The following FCGR2B variants were observed in gnomAD, a reference collection of about 807,000 sequenced individuals.
The protein encoded by FCGR2B is low affinity immunoglobulin gamma Fc region receptor II-b.
Under a neutral mutation model 24.8 loss-of-function variants are expected in FCGR2B, and 18 were observed. That is an observed-to-expected ratio of 0.73 (90% CI 0.50 to 1.08). The LOEUF (loss-of-function observed/expected upper bound fraction) is 1.08, where lower values mean the gene tolerates loss of function less well. Among genes scored for constraint, FCGR2B ranks in the 50% least tolerant of loss-of-function variants. FCGR2B has a pLI of 0.00. For synonymous variants in FCGR2B, 79 were observed against 109.8 expected, an observed-to-expected ratio of 0.72 and a Z score of 1.75; for missense variants, 215 against 297.6, an observed-to-expected ratio of 0.72 and a Z score of 2.04.
intron 6 of FCGR2B, chr1:161,676,369 A>G (rs1229493920): frequency 5.3e-6 from 1 of 189,226 alleles, no homozygotes; most frequent in Non-Finnish European, 1.1e-5. Flanking sequence ...CTGTGTTCAC[A>G]CCAGGGCCAA....
the FCGR2B span, among the ~76,000 whole-genome samples, chr1:161,650,857 G>T: frequency 1.8e-5 from 2 of 110,498 alleles, no homozygotes; most frequent in African/African-American, 3.4e-5. Flanking sequence ...TGCTAAAAAG[G>T]CTTTTAAAAT....
At chr1:161,652,288 CT>C in the FCGR2B span, among the ~76,000 whole-genome samples, 4 of 130,902 alleles carry the variant, frequency 3.1e-5, 1 homozygote, top group Admixed American at 8.5e-5. Flanking sequence ...GTTCTATTTT[CT>C]TTTTTTTTAC....
At chr1:161,675,233 T>A (rs1245543153) in intron 5 of FCGR2B, 24 bp from the exon 6 acceptor site, 3 of 1,592,234 alleles carry the variant, frequency 1.9e-6, no homozygotes, top group Non-Finnish European at 2.6e-6. Context: ...CTAATCCTAC[T>A]AACCTCCTGT....
Position 161,677,670 on chromosome 1 carries a change from G to T in FCGR2B, c.*117G>T, listed in dbSNP as rs1185862561. ...AGATGCTGCAGTTCCAAAAGAGAAG[G>T]TTTCTTCCAGAGTCATCTACCTGAG... On this transcript the variant is annotated 3_prime_UTR_variant, in exon 8 of 8. Coordinates refer to ENST00000358671, the MANE Select transcript of FCGR2B (RefSeq NM_001394477.1). 5 of 799,668 alleles carry T rather than the reference G, an allele frequency of 6.3e-6. No homozygotes were observed. In the Admixed American group the frequency reaches 7.7e-5, roughly 12 times the overall value. The allele number at this position is 799,668 out of a possible 1,614,324, so 49.5% of individuals were successfully genotyped here.
At position 161,677,493 on chromosome 1, in the gene FCGR2B, C is replaced by T; in HGVS notation, c.873C>T (p.Thr291=). The part of the protein sequence containing the change: ...ADKVGAENTI[T]YSLLMHPDAL... ...TTCTCTAGGCTGAGAACACAATCACCTATTCACTTCTCATGCACCCGGATG... is the reference window on the plus strand; with the variant it reads ...TTCTCTAGGCTGAGAACACAATCACTTATTCACTTCTCATGCACCCGGATG... Residue 291 remains threonine, a synonymous_variant, in exon 8 of 8, where the codon ACC becomes ACT. Coordinates refer to ENST00000358671, the MANE Select transcript of FCGR2B (RefSeq NM_001394477.1). 6.2e-7 allele frequency: 1 copy of T among 1,614,030 alleles called. No homozygotes were observed. Among genetic ancestry groups the T allele is most frequent in the East Asian group, 2.2e-5 (1 of 44,892 alleles).
Position 161,674,084 on chromosome 1 carries a change from C to T in FCGR2B, c.760+11C>T, listed in dbSNP as rs1301623370. 5 of 452,566 alleles carry T rather than the reference C, an allele frequency of 1.1e-5. No homozygotes were observed. The highest frequency in any genetic ancestry group is 9.5e-5 in the Admixed American group (2 of 21,098). 28.0% of individuals were successfully genotyped at this position (452,566 alleles called of 1,614,324 possible). A position where few individuals can be genotyped will look rare whatever the true frequency, so the allele number is the denominator to read the frequency against. ...AAAAGCGGATTTCAGGTTTGTAGCTCCTCCCGGTCCCTTTGGTTATCAGTT... is the reference window on the plus strand; with the variant it reads ...AAAAGCGGATTTCAGGTTTGTAGCTTCTCCCGGTCCCTTTGGTTATCAGTT... On this transcript the variant is annotated intron_variant, in intron 5 of 7. Transcript: ENST00000358671.
At chr1:161,653,084 C>T in the FCGR2B span, among the ~76,000 whole-genome samples, 2 of 134,058 alleles carry the variant, frequency 1.5e-5, 1 homozygote, top group East Asian at 4.0e-4. Context: ...TGTGAAATTG[C>T]CTTTGCAGAA....
intron 4 of FCGR2B, 67 bp downstream of exon 4, chr1:161,673,296 G>A: frequency 6.2e-7 from 1 of 1,600,488 alleles, no homozygotes; most frequent in African/African-American, 1.3e-5. Flanking sequence ...AGGTCACATG[G>A]GCCTACATGG....
intron 3 of FCGR2B, chr1:161,672,010 C>T (rs1681706248): frequency 3.2e-6 from 1 of 316,260 alleles, no homozygotes. Flanking sequence ...ATTTCTTCAC[C>T]TGCTCCGTGG....
Position 161,677,487 on chromosome 1 carries a change from A to G in FCGR2B, c.867A>G (p.Thr289=). The stretch of plus-strand genomic sequence containing the variant: ...TCTGCCTTCTCTAGGCTGAGAACAC[A>G]ATCACCTATTCACTTCTCATGCACC... ...DEADKVGAEN[T]ITYSLLMHPD... The change falls in exon 8 of 8, where the codon ACA becomes ACG. Residue 289 remains threonine (T), a synonymous_variant. Transcript: ENST00000358671. 6.2e-7 allele frequency: 1 copy of G among 1,614,008 alleles called. No individual in the cohort carries two copies. The highest frequency in any genetic ancestry group is 8.5e-7 in the Non-Finnish European group (1 of 1,179,930).
At chr1:161,660,896 AT>A (rs1379337896), upstream of FCGR2B, among the ~76,000 whole-genome samples, 2 of 38,590 alleles carry the variant, frequency 5.2e-5, no homozygotes, top group African/African-American at 1.1e-4. Flanking sequence ...TCTACTAAAA[AT>A]ACAAAAAAAA....
In FCGR2B at chr1:161,677,627, C is replaced by G. The variant is rs1299611959; in HGVS notation, c.*74C>G. ...ATCTGGTATTTCCTGGCCTAAATTC[C>G]CCTTGGGGAGGACAGGGAGATGCTG... On this transcript the variant is annotated 3_prime_UTR_variant, in exon 8 of 8. Transcript: ENST00000358671. 1 of 1,220,280 alleles carries G rather than the reference C, an allele frequency of 8.2e-7. No homozygotes were observed. Among genetic ancestry groups the G allele is most frequent in the Admixed American group, 1.9e-5 (1 of 51,866 alleles). 75.6% of individuals were successfully genotyped at this position (1,220,280 alleles called of 1,614,324 possible).
chr1:161,648,437 T>C, the FCGR2B span, among the ~76,000 whole-genome samples: 1 of 148,510 alleles, frequency 6.7e-6, no homozygotes, highest in African/African-American at 2.5e-5. Flanking sequence ...TACAGTGATA[T>C]TGTGTTTTTA....
intron 3 of FCGR2B, 45 bp downstream of exon 3, chr1:161,671,694 G>C (rs536669911): frequency 1.2e-6 from 2 of 1,608,722 alleles, no homozygotes; most frequent in South Asian, 1.1e-5. Context: ...GGGCCAGGAC[G>C]GATGAAATCT....
chr1:161,673,988 T>A lies in FCGR2B; in HGVS notation c.675T>A (p.Ile225=). 2.0e-6 allele frequency: 1 copy of A among 512,418 alleles called. No individual in the cohort carries two copies. 31.7% of individuals were successfully genotyped at this position (512,418 alleles called of 1,614,324 possible). Residue 225 remains isoleucine, a synonymous_variant, in exon 5 of 8, where the codon ATT becomes ATA. Transcript: ENST00000358671. ...QAPSSSPMGI[I]VAVVTGIAVA... ...CCAGCTCTTCACCGATGGGGATCAT[T>A]GTGGCTGTGGTCACTGGGATTGCTG...
At chr1:161,651,692 T>C in the FCGR2B span, among the ~76,000 whole-genome samples, 1 of 121,072 alleles carries the variant, frequency 8.3e-6, no homozygotes, top group African/African-American at 2.7e-5. Flanking sequence ...TCCTGGCACT[T>C]TGGGAGGCCG....
chr1:161,675,913 G>GAAA (rs2102678100), intron 6 of FCGR2B: 1 of 233,026 alleles, frequency 4.3e-6, no homozygotes, highest in East Asian at 6.0e-5. Context: ...AAGGTTGACT[G>GAAA]AATTTTGGCC....
chr1:161,675,646 A>C (rs1159100656), intron 6 of FCGR2B: 10 of 272,658 alleles, frequency 3.7e-5, no homozygotes, highest in Non-Finnish European at 6.9e-5. Flanking sequence ...GAGCTGGCAA[A>C]GGATGGGGTT....
the FCGR2B span, among the ~76,000 whole-genome samples, chr1:161,651,846 T>C: frequency 4.7e-5 from 6 of 126,360 alleles, 1 homozygote; most frequent in Non-Finnish European, 8.9e-5. Context: ...GGCAGGAGAA[T>C]TGCTTGAACC....
Sources: allele counts gnomAD v4.1 joint callset (sites outside exome capture counted in the v4.1 genomes callset), GRCh38; gene constraint gnomAD v4.1.1; transcripts MANE v1.5; gene names NCBI Gene and HGNC (gene_info 2026-07-23, HGNC 2026-07-21).